RNASEL: variants seen among roughly 807,000 people sequenced by gnomAD.
RNASEL encodes the protein ribonuclease L.
A neutral mutation model predicts 50.9 loss-of-function variants in RNASEL; 36 were observed. The ratio of observed to expected loss-of-function variants is 0.71; its 90% CI spans 0.54 to 0.93. The LOEUF is 0.93. Ranked by LOEUF, RNASEL falls within the 40% of genes least tolerant of loss-of-function variation. RNASEL has a pLI of 0.00. For missense variants in RNASEL, 860 were observed against 894.5 expected (o/e 0.96, Z 0.49); for synonymous variants, 335 against 335.6 (o/e 1.00, Z 0.02).
rs1392650001 is a variant in RNASEL, at chr1:182,585,396, C to T, written c.1411G>A (p.Ala471Thr). Residue 471 changes from alanine to threonine, a missense_variant, in exon 2 of 7, where the codon GCT becomes ACT. By Grantham distance (58) the Ala-to-Thr change is moderately conservative. Coordinates refer to ENST00000367559, the MANE Select transcript of RNASEL (RefSeq NM_021133.4). ...CAGGACAAGTGTAGTTCTTGAACAG[C>T]CTTAAATATAGATGACAGGACATTT... ...ARNVLSSIFK[A>T]VQELHLSCGY... The T allele has an allele frequency of 1.2e-6, 2 of 1,614,150 alleles. No homozygotes were observed. Among genetic ancestry groups the T allele is most frequent in the East Asian group, 2.2e-5 (1 of 44,876 alleles).
chr1:182,586,810 G>A lies in RNASEL; in HGVS notation c.-4C>T, dbSNP rs746334385. The A allele has an allele frequency of 6.8e-6, 11 of 1,613,910 alleles. No individual in the cohort carries two copies. The South Asian group carries it at 9.9e-5, about 14-fold the overall frequency. On this transcript the variant is annotated 5_prime_UTR_variant, in exon 2 of 7. Coordinates refer to ENST00000367559, the MANE Select transcript of RNASEL (RefSeq NM_021133.4). The stretch of plus-strand genomic sequence containing the variant: ...TGTTATGATCCCTGCTCTCCATGAC[G>A]GTAAATGCCACCTGCTACCACTTTT...
chr1:182,586,967 C>T lies in RNASEL; in HGVS notation c.-161G>A, dbSNP rs1234231298. 1.0e-5 allele frequency: 9 copies of T among 886,256 alleles called. 1 individual carries two copies. The highest frequency in any genetic ancestry group is 6.7e-4 in the Middle Eastern group (2 of 3,000). 54.9% of individuals were successfully genotyped at this position (886,256 alleles called of 1,614,324 possible). The stretch of plus-strand genomic sequence containing the variant: ...ACAATGTTCTCAGTCTTCTGACATT[C>T]CACCTGGCAACGAAGAGAGGTGCTT... On this transcript the variant is annotated 5_prime_UTR_variant, in exon 2 of 7. Coordinates refer to ENST00000367559, the MANE Select transcript of RNASEL (RefSeq NM_021133.4).
intron 5 of RNASEL, among the ~76,000 whole-genome samples, chr1:182,577,873 A>T (rs1355972803): frequency 6.6e-6 from 1 of 152,188 alleles, no homozygotes; most frequent in Non-Finnish European, 1.5e-5. Context: ...CGGCAAAAAC[A>T]TACACTGGGA....
rs1168373656 is a variant in RNASEL, at chr1:182,574,436, G to A, written c.*956C>T. 2 of 230,552 alleles carry A rather than the reference G, an allele frequency of 8.7e-6. No homozygotes were observed. Among genetic ancestry groups the A allele is most frequent in the East Asian group, 6.2e-5 (1 of 16,202 alleles). The allele number at this position is 230,552 out of a possible 1,614,324, so 14.3% of individuals were successfully genotyped here. A position where few individuals can be genotyped will look rare whatever the true frequency, so the allele number is the denominator to read the frequency against. ...AACTCCATCACTACAGATCCAGCAA[G>A]AGTAAATAAATCTGAGTCCCTCCTC... On this transcript the variant is annotated 3_prime_UTR_variant, in exon 7 of 7. Coordinates refer to ENST00000367559, the MANE Select transcript of RNASEL (RefSeq NM_021133.4).
chr1:182,580,785 T>C (rs981160997), intron 5 of RNASEL, among the ~76,000 whole-genome samples: 2 of 152,236 alleles, frequency 1.3e-5, no homozygotes, highest in African/African-American at 4.8e-5. Context: ...TAGGTCTGTG[T>C]GTGGATCCTG....
intron 3 of RNASEL, among the ~76,000 whole-genome samples, chr1:182,583,714 GC>G (rs1320419470): frequency 6.6e-6 from 1 of 152,162 alleles, no homozygotes; most frequent in Non-Finnish European, 1.5e-5. Flanking sequence ...TTTCTCCCGT[GC>G]TGGATGCTTC....
intron 4 of RNASEL, 28 bp downstream of exon 4, chr1:182,582,025 T>C (rs746025770): frequency 1.1e-5 from 18 of 1,600,812 alleles, no homozygotes; most frequent in Non-Finnish European, 1.4e-5. Context: ...CCTGGAGGCC[T>C]GTGGCATCTG....
Position 182,584,106 on chromosome 1 carries a change from G to A in RNASEL, c.1541C>T (p.Pro514Leu), listed in dbSNP as rs1457601313. The change falls in exon 3 of 7, where the codon CCA (proline) becomes CTA (leucine). Residue 514 changes from proline (P) to leucine (L), a missense_variant. Transcript: ENST00000367559. ...CTCTAGATCTCTCTTGACTTCCTGT[G>A]GATCTCCAGCCCACTTGATGCTCTT... The part of the protein sequence containing the change: ...FDKSIKWAGD[P>L]QEVKRDLEDL... The A allele has an allele frequency of 6.2e-7, 1 of 1,613,740 alleles. No homozygotes were observed. The highest frequency in any genetic ancestry group is 2.2e-5 in the East Asian group (1 of 44,864).
chr1:182,576,299 T>A lies in RNASEL; in HGVS notation c.1996A>T (p.Ile666Phe), dbSNP rs368181945. The A allele has an allele frequency of 4.3e-6, 7 of 1,612,514 alleles. No homozygotes were observed. The highest frequency in any genetic ancestry group is 5.9e-6 in the Non-Finnish European group (7 of 1,178,990). Residue 666 changes from isoleucine to phenylalanine, a missense_variant, in exon 6 of 7, where the codon ATC (isoleucine) becomes TTC (phenylalanine). Transcript: ENST00000367559. The part of the protein sequence containing the change: ...QNTVGDLLKF[I>F]RNLGEHIDEE... ...TCAATGTGTTCTCCCAAATTCCGGA[T>A]GAACTTTAGCAGATCACCCACAGTG...
intron 5 of RNASEL, 89 bp downstream of exon 5, chr1:182,581,136 G>A: frequency 6.3e-7 from 1 of 1,592,208 alleles, no homozygotes; most frequent in South Asian, 1.1e-5. Context: ...GTTTGCCACT[G>A]GTGTAAAATA....
rs186330637 is a variant in RNASEL, at chr1:182,583,346, G to C, written c.1566+735C>G. ...AGCTCTGCTGCGGGAGAAGCCCAAG[G>C]AAATGCCATGGCCTACAGGGGAGTC... On this transcript the variant is annotated intron_variant, in intron 3 of 6. Coordinates refer to ENST00000367559, the MANE Select transcript of RNASEL (RefSeq NM_021133.4). Among the ~76,000 whole-genome samples, 151 of 152,346 alleles carry C rather than the reference G, an allele frequency of 9.9e-4. 1 individual carries two copies. The highest frequency in any genetic ancestry group is 3.4e-3 in the Middle Eastern group (1 of 294).
rs1042586314 is a variant in RNASEL, at chr1:182,576,529, A to C, written c.1906-140T>G. ...TACCAACTAATTAATAAAGCAAAAT[A>C]ATTTAAAAATGGAAGTAAATGCTGT... On this transcript the variant is annotated intron_variant, in intron 5 of 6. Transcript: ENST00000367559. The C allele has an allele frequency of 4.2e-6, 3 of 720,176 alleles. No individual in the cohort carries two copies. The African/African-American group carries it at 5.4e-5, about 13-fold the overall frequency. The allele number at this position is 720,176 out of a possible 1,614,324, so 44.6% of individuals were successfully genotyped here.
intron 2 of RNASEL, 138 bp downstream of exon 2, chr1:182,585,189 G>T: frequency 1.1e-6 from 1 of 872,292 alleles, no homozygotes; most frequent in Non-Finnish European, 1.8e-6. Flanking sequence ...CTGTAATTAT[G>T]AATTTGTTGT....
chr1:182,588,600 T>TTAAATA (rs1661644201), intron 1 of RNASEL, among the ~76,000 whole-genome samples: 1 of 152,228 alleles, frequency 6.6e-6, no homozygotes, highest in Non-Finnish European at 1.5e-5. Flanking sequence ...CTGCATCTGC[T>TTAAATA]ATAGAATTCA....
At position 182,585,974 on chromosome 1, in the gene RNASEL, A is replaced by C. The variant is rs1349905707; in HGVS notation, c.833T>G (p.Leu278Arg). ...DTDSDGKTAL[L>R]LAVELKLKKI... ...CTTCAGTTTGAGTTCAACAGCAAGC[A>C]GCAGTGCTGTTTTGCCATCACTGTC... Residue 278 changes from leucine (L) to arginine (R), a missense_variant, in exon 2 of 7, where the codon CTG becomes CGG. By Grantham distance (102) the Leu-to-Arg change is moderately radical. Transcript: ENST00000367559. 1 of 1,614,062 alleles carries C rather than the reference A, an allele frequency of 6.2e-7. No individual in the cohort carries two copies. Among genetic ancestry groups the C allele is most frequent in the African/African-American group, 1.3e-5 (1 of 74,944 alleles).
At chr1:182,582,927 G>A (rs934143228) in intron 3 of RNASEL, among the ~76,000 whole-genome samples, 4 of 152,082 alleles carry the variant, frequency 2.6e-5, no homozygotes, top group African/African-American at 7.2e-5. Context: ...GGTCTACAGC[G>A]GCCAATCTCC....
At chr1:182,581,902 G>T in intron 4 of RNASEL, 151 bp downstream of exon 4, 1 of 753,984 alleles carries the variant, frequency 1.3e-6, no homozygotes, top group Admixed American at 1.9e-5. Context: ...ACTCCAGAGA[G>T]GTTAAGTCAT....
At position 182,581,638 on chromosome 1, in the gene RNASEL, C is replaced by A. The variant is rs796808977; in HGVS notation, c.1773-281G>T. ...GTGACATTACAGGCACCTGCCACCA[C>A]ACTCGGCTAACTTTTGTATTTTTAG... On this transcript the variant is annotated intron_variant, in intron 4 of 6. Coordinates refer to ENST00000367559, the MANE Select transcript of RNASEL (RefSeq NM_021133.4). Among the ~76,000 whole-genome samples, 9 of 151,938 alleles carry A rather than the reference C, an allele frequency of 5.9e-5. 1 individual carries two copies. The highest frequency in any genetic ancestry group is 2.2e-4 in the African/African-American group (9 of 41,480).
Position 182,575,357 on chromosome 1 carries a change from A to G in RNASEL, c.*35T>C. ...TGATTTGCCAAGGACTCTACAGCTA[A>G]TAAGTAGTTCCCTGAACTCCAGCAA... On this transcript the variant is annotated 3_prime_UTR_variant, in exon 7 of 7. Coordinates refer to ENST00000367559, the MANE Select transcript of RNASEL (RefSeq NM_021133.4). 6.2e-7 allele frequency: 1 copy of G among 1,606,556 alleles called. No homozygotes were observed. The highest frequency in any genetic ancestry group is 1.1e-5 in the South Asian group (1 of 90,870).
Sources: allele counts gnomAD v4.1 joint callset (sites outside exome capture counted in the v4.1 genomes callset), GRCh38; gene constraint gnomAD v4.1.1; transcripts MANE v1.5; gene names NCBI Gene and HGNC (gene_info 2026-07-23, HGNC 2026-07-21).